PRPF6: variants seen among roughly 807,000 people sequenced by gnomAD.
PRPF6 encodes the protein pre-mRNA processing factor 6, also known as pre-mRNA-processing factor 6.
PRPF6 carries 42 observed loss-of-function variants against 118.3 expected under a neutral mutation model. The observed-to-expected ratio is 0.35, with a 90% CI of 0.28 to 0.46. The LOEUF (loss-of-function observed/expected upper bound fraction) is 0.46. Among genes scored for constraint, PRPF6 ranks in the 20% least tolerant of loss-of-function variants. The pLI, the probability that PRPF6 is intolerant of heterozygous loss-of-function variation, is 1.00. For synonymous variants in PRPF6, 481 were observed against 485.1 expected (o/e 0.99, Z 0.11); for missense variants, 662 against 1,255.7 (o/e 0.53, Z 7.15).
chr20:64,009,823 T>C (rs1191100845), intron 9 of PRPF6, among the ~76,000 whole-genome samples: 2 of 152,242 alleles, frequency 1.3e-5, no homozygotes, highest in Admixed American at 1.3e-4. Flanking sequence ...TTCTGACTTA[T>C]TTTACCAAGA....
rs527557239 is a variant in PRPF6, at chr20:64,023,485, C to G, written c.1769+607C>G. Among the ~76,000 whole-genome samples the G allele has an allele frequency of 1.8e-4, 28 of 152,318 alleles. 1 individual carries two copies. In the East Asian group the frequency reaches 4.8e-3, roughly 26 times the overall value. ...CTCTGTCCGTCCTCTCCCAGGTCCTCGGGTGATGCTCCCTGTACCAGGTGA... is the reference window on the plus strand; with the variant it reads ...CTCTGTCCGTCCTCTCCCAGGTCCTGGGGTGATGCTCCCTGTACCAGGTGA... On this transcript the variant is annotated intron_variant, in intron 13 of 20. Coordinates refer to ENST00000266079, the MANE Select transcript of PRPF6 (RefSeq NM_012469.4).
intron 12 of PRPF6, among the ~76,000 whole-genome samples, chr20:64,017,117 T>C (rs1401039571): frequency 1.3e-5 from 2 of 152,174 alleles, no homozygotes; most frequent in Non-Finnish European, 2.9e-5. Flanking sequence ...TAATTTTTTG[T>C]ATTTTTAGTA....
chr20:63,985,957 A>C (rs2059091293), intron 3 of PRPF6, among the ~76,000 whole-genome samples: 1 of 152,228 alleles, frequency 6.6e-6, no homozygotes, highest in African/African-American at 2.4e-5. Context: ...TGAAAAAAGA[A>C]AATGTTAGGT....
rs570658925 is a variant in PRPF6 at position 64,026,362 on chromosome 20, C to T, written c.2028+304C>T. Among the ~76,000 whole-genome samples the T allele has an allele frequency of 2.7e-3, 358 of 135,018 alleles. 1 individual carries two copies. The highest frequency in any genetic ancestry group is 9.6e-3 in the African/African-American group (344 of 35,940). 88.6% of individuals were successfully genotyped at this position (135,018 alleles called of 152,430 possible). A position where few individuals can be genotyped will look rare whatever the true frequency, so the allele number is the denominator to read the frequency against. On this transcript the variant is annotated intron_variant, in intron 15 of 20. Coordinates refer to ENST00000266079, the MANE Select transcript of PRPF6 (RefSeq NM_012469.4). The surrounding 1 kb of genome is among the most constrained non-coding windows in gnomAD (Gnocchi z 4.4). ...TCTCTACTAAAAATACAAAATTAGCCGGGCGTGGTGGTGCGTGCCTGTAAT... is the reference window on the plus strand; with the variant it reads ...TCTCTACTAAAAATACAAAATTAGCTGGGCGTGGTGGTGCGTGCCTGTAAT...
At chr20:64,000,889 A>G (rs1192869391) in intron 8 of PRPF6, among the ~76,000 whole-genome samples, 188 bp from the exon 9 acceptor site, 3 of 152,168 alleles carry the variant, frequency 2.0e-5, no homozygotes, top group African/African-American at 7.2e-5. Flanking sequence ...TCAGTCAGAC[A>G]TATGGTAGCC....
At chr20:63,999,824 C>T in intron 8 of PRPF6, 65 bp downstream of exon 8, 2 of 1,567,970 alleles carry the variant, frequency 1.3e-6, no homozygotes, top group Non-Finnish European at 1.7e-6. Context: ...CGGGAGTAAA[C>T]TTGTTAGAGC....
At chr20:63,984,331 G>A (rs570548342) in intron 2 of PRPF6, among the ~76,000 whole-genome samples, 2 of 152,040 alleles carry the variant, frequency 1.3e-5, no homozygotes, top group East Asian at 3.9e-4. Context: ...TGAGGCAGAA[G>A]AATGCTGTGA....
Position 64,027,853 on chromosome 20 carries a change from G to T in PRPF6, c.2339+117G>T. 6.8e-7 allele frequency: 1 copy of T among 1,461,924 alleles called. No individual in the cohort carries two copies. Among genetic ancestry groups the T allele is most frequent in the Non-Finnish European group, 9.5e-7 (1 of 1,047,282 alleles). The allele number at this position is 1,461,924 out of a possible 1,614,324, so 90.6% of individuals were successfully genotyped here. A position where few individuals can be genotyped will look rare whatever the true frequency, so the allele number is the denominator to read the frequency against. On this transcript the variant is annotated intron_variant, in intron 17 of 20. Transcript: ENST00000266079. The surrounding 1 kb of genome is among the most constrained non-coding windows in gnomAD (Gnocchi z 6.5). ...GCAGTGCTTCCAGGCTCAGGGGCTTGGGGGGCGGTAGGTGCTGGCCATGAA... is the reference window on the plus strand; with the variant it reads ...GCAGTGCTTCCAGGCTCAGGGGCTTTGGGGGCGGTAGGTGCTGGCCATGAA...
chr20:64,010,485 C>T (rs1349656405), intron 10 of PRPF6, among the ~76,000 whole-genome samples, 167 bp downstream of exon 10: 1 of 152,222 alleles, frequency 6.6e-6, no homozygotes, highest in Non-Finnish European at 1.5e-5. Flanking sequence ...TGTACATAGC[C>T]GCTAGGCAGG....
At chr20:64,003,401 C>T (rs959901165) in intron 9 of PRPF6, among the ~76,000 whole-genome samples, 4 of 152,164 alleles carry the variant, frequency 2.6e-5, no homozygotes, top group Non-Finnish European at 5.9e-5. Context: ...GATGAGGGCT[C>T]TTTGGTAGAA....
chr20:63,981,337 C>T (rs1247501876), intron 1 of PRPF6, 21 bp downstream of exon 1: 5 of 1,565,112 alleles, frequency 3.2e-6, no homozygotes, highest in Middle Eastern at 1.7e-4. Flanking sequence ...GGGCGGCGCG[C>T]GAGGGGCGGG....
At chr20:63,984,286 T>C (rs1451161026) in intron 2 of PRPF6, among the ~76,000 whole-genome samples, 7 of 152,054 alleles carry the variant, frequency 4.6e-5, no homozygotes, top group African/African-American at 1.7e-4. Context: ...CCGGGCATGG[T>C]GGCATGTGCC....
chr20:64,013,415 C>T (rs1023682076), intron 11 of PRPF6, among the ~76,000 whole-genome samples: 2 of 151,320 alleles, frequency 1.3e-5, no homozygotes, highest in Non-Finnish European at 2.9e-5. Flanking sequence ...GTTTGTCTTT[C>T]TTTCCTTCCT....
rs772410317 is a variant in PRPF6 at position 63,981,305 on chromosome 20, G to T, written c.60G>T (p.Gly20=). 3.1e-6 allele frequency: 5 copies of T among 1,602,114 alleles called. No homozygotes were observed. Among genetic ancestry groups the T allele is most frequent in the Middle Eastern group, 1.7e-4 (1 of 6,052 alleles). The change falls in exon 1 of 21, where the codon GGG becomes GGT. Residue 20 remains glycine (G), a synonymous_variant. Transcript: ENST00000266079. The part of the protein sequence containing the change: ...GMPAPLGYVP[G]LGRGATGFTT... ...CCGCGCCCCTCGGCTACGTGCCGGGGCTGGGCCGGGGGTGAGGCCTGGGGC... is the reference window on the plus strand; with the variant it reads ...CCGCGCCCCTCGGCTACGTGCCGGGTCTGGGCCGGGGGTGAGGCCTGGGGC...
intron 12 of PRPF6, among the ~76,000 whole-genome samples, chr20:64,018,322 C>T (rs1011400787): frequency 1.3e-5 from 2 of 152,056 alleles, no homozygotes; most frequent in Non-Finnish European, 2.9e-5. Flanking sequence ...TTTGTTGTTC[C>T]TGAGTGTGAA....
intron 20 of PRPF6, 42 bp from the exon 21 acceptor site, chr20:64,032,799 C>T (rs371840453): frequency 1.1e-5 from 17 of 1,573,606 alleles, no homozygotes; most frequent in South Asian, 8.0e-5. Flanking sequence ...CGGGGAGTAG[C>T]GTGGGAGGAC....
At chr20:63,984,731 A>G (rs1354473746) in intron 2 of PRPF6, among the ~76,000 whole-genome samples, 176 bp from the exon 3 acceptor site, 4 of 152,298 alleles carry the variant, frequency 2.6e-5, no homozygotes, top group African/African-American at 9.6e-5. Context: ...TCTGTCTTCC[A>G]TGCCCTTGAC....
intron 11 of PRPF6, among the ~76,000 whole-genome samples, chr20:64,013,429 TTTC>T (rs771063410): frequency 2.6e-5 from 4 of 152,048 alleles, no homozygotes; most frequent in Non-Finnish European, 4.4e-5. Context: ...CCTTCCTTCC[TTTC>T]TTCTTCTTTC....
intron 13 of PRPF6, among the ~76,000 whole-genome samples, chr20:64,023,157 C>T (rs1569224246): frequency 6.6e-6 from 1 of 152,238 alleles, no homozygotes; most frequent in Admixed American, 6.5e-5. Flanking sequence ...GAGGAGTGGC[C>T]TGGGTATAGA....
Sources: allele counts gnomAD v4.1 joint callset (sites outside exome capture counted in the v4.1 genomes callset), GRCh38; gene constraint gnomAD v4.1.1; non-coding constraint Gnocchi (gnomAD v3.1); transcripts MANE v1.5; gene names NCBI Gene and HGNC (gene_info 2026-07-23, HGNC 2026-07-21).